FGGY: variants seen among roughly 807,000 people sequenced by gnomAD.
FGGY encodes FGGY carbohydrate kinase domain-containing protein.
Under a neutral mutation model 71.3 loss-of-function variants are expected in FGGY, and 72 were observed. That is an observed-to-expected ratio of 1.01 (90% CI 0.84 to 1.23). The LOEUF (loss-of-function observed/expected upper bound fraction) is 1.23. Among genes scored for constraint, FGGY ranks in the 50% most tolerant of loss-of-function variants. The pLI is 0.00. For synonymous variants in FGGY, 251 were observed against 250.3 expected (o/e 1.00, Z -0.02); for missense variants, 668 against 682.3 (o/e 0.98, Z 0.23).
intron 8 of FGGY, among the ~76,000 whole-genome samples, chr1:59,565,143 A>G (rs574270575): frequency 2.0e-5 from 3 of 152,208 alleles, no homozygotes; most frequent in South Asian, 2.1e-4. Flanking sequence ...TATTTATTAT[A>G]TGTTTATCAT....
At chr1:59,546,481 C>T (rs913630247) in intron 7 of FGGY, among the ~76,000 whole-genome samples, 3 of 151,048 alleles carry the variant, frequency 2.0e-5, no homozygotes, top group African/African-American at 7.3e-5. Flanking sequence ...TCTCTGTTGA[C>T]TTAAAGCATA....
intron 14 of FGGY, among the ~76,000 whole-genome samples, chr1:59,680,255 T>A (rs2097483005): frequency 1.3e-5 from 2 of 152,256 alleles, no homozygotes; most frequent in South Asian, 2.1e-4. Context: ...AGATTCTGAT[T>A]CCTAATTAAA....
chr1:59,416,626 T>C (rs981557195), intron 5 of FGGY, among the ~76,000 whole-genome samples: 1 of 152,228 alleles, frequency 6.6e-6, no homozygotes, highest in African/African-American at 2.4e-5. Context: ...TATCTTTAAT[T>C]CTTTGGACTT....
chr1:59,666,004 C>T (rs530797183), intron 12 of FGGY, among the ~76,000 whole-genome samples: 9 of 152,260 alleles, frequency 5.9e-5, no homozygotes, highest in African/African-American at 1.9e-4. Context: ...GGCTAAACTC[C>T]GATTCTTCTT....
chr1:59,728,316 C>T (rs987146393), intron 14 of FGGY, among the ~76,000 whole-genome samples: 4 of 152,002 alleles, frequency 2.6e-5, no homozygotes, highest in African/African-American at 7.2e-5. Flanking sequence ...TAAGGAAGTA[C>T]TTTCAATTCC....
rs951097982 is a variant in FGGY at position 59,653,066 on chromosome 1, T to G, written c.1222-7153T>G. Among the ~76,000 whole-genome samples the G allele has an allele frequency of 3.1e-4, 47 of 152,282 alleles. 1 individual carries two copies. The highest frequency in any genetic ancestry group is 8.4e-4 in the African/African-American group (35 of 41,544). ...GGGTGCCTCCCAGTTAGGCTGCTCGTGGGTCAGGGTTCAGCGACCCACTTG... is the reference window on the plus strand; with the variant it reads ...GGGTGCCTCCCAGTTAGGCTGCTCGGGGGTCAGGGTTCAGCGACCCACTTG... On this transcript the variant is annotated intron_variant, in intron 11 of 15. Coordinates refer to ENST00000303721, the MANE Select transcript of FGGY (RefSeq NM_018291.5).
At position 59,607,885 on chromosome 1, in the gene FGGY, G is replaced by T. The variant is rs201277851; in HGVS notation, c.986G>T (p.Gly329Val). Residue 329 changes from glycine to valine, a missense_variant, in exon 9 of 16, where the codon GGT (glycine) becomes GTT (valine). This residue lies in a region of FGGY where 661 missense variants were observed against 661.6 expected (regional missense o/e 1.00). Transcript: ENST00000303721. The stretch of plus-strand genomic sequence containing the variant: ...GTACCTGGGTTCTGGCTGAATGAAG[G>T]TGGTCAGAGCGTTACTGGAAAATTG... ...AMVPGFWLNEGGQSVTGKLID... is the reference protein window; with the variant it reads ...AMVPGFWLNEVGQSVTGKLID... 1.2e-6 allele frequency: 2 copies of T among 1,614,046 alleles called. No individual in the cohort carries two copies. The highest frequency in any genetic ancestry group is 4.5e-5 in the East Asian group (2 of 44,868).
At chr1:59,582,650 G>A (rs1196205226) in intron 8 of FGGY, among the ~76,000 whole-genome samples, 3 of 148,188 alleles carry the variant, frequency 2.0e-5, no homozygotes, top group Non-Finnish European at 4.4e-5. Flanking sequence ...GACTAGATTA[G>A]GTGGTGTATC....
chr1:59,753,063 T>C (rs1411845247), intron 14 of FGGY, among the ~76,000 whole-genome samples: 2 of 152,190 alleles, frequency 1.3e-5, no homozygotes, highest in Admixed American at 6.5e-5. Flanking sequence ...TTGTGCTGTC[T>C]AGACTCTCAA....
chr1:59,649,997 T>A (rs1158377430), intron 11 of FGGY, among the ~76,000 whole-genome samples: 1 of 148,364 alleles, frequency 6.7e-6, no homozygotes, highest in African/African-American at 2.6e-5. Flanking sequence ...TTTCTGCATC[T>A]GTTGAGATAA....
chr1:59,469,783 T>C (rs1037137608), intron 6 of FGGY, among the ~76,000 whole-genome samples: 1 of 152,156 alleles, frequency 6.6e-6, no homozygotes, highest in Non-Finnish European at 1.5e-5. Flanking sequence ...CAGTGTGTGT[T>C]ATCCCCCTCA....
chr1:59,524,830 C>A (rs946694644), intron 7 of FGGY, among the ~76,000 whole-genome samples: 4 of 152,220 alleles, frequency 2.6e-5, no homozygotes, highest in Non-Finnish European at 5.9e-5. Context: ...GTATCTCATT[C>A]TTCCAGGTTG....
chr1:59,511,938 C>T (rs1052887017), intron 6 of FGGY, among the ~76,000 whole-genome samples: 1 of 152,056 alleles, frequency 6.6e-6, no homozygotes, highest in Non-Finnish European at 1.5e-5. Flanking sequence ...GGTTTACGTG[C>T]GTTTAAGTAG....
At chr1:59,301,116 A>C (rs1381082878) in intron 1 of FGGY, among the ~76,000 whole-genome samples, 2 of 152,204 alleles carry the variant, frequency 1.3e-5, no homozygotes, top group East Asian at 3.8e-4. Flanking sequence ...ATATCTGTTC[A>C]TTTATTTAAG....
chr1:59,491,039 C>CTTTCCTTTCCTTTCCT, intron 6 of FGGY, among the ~76,000 whole-genome samples: 1 of 16,202 alleles, frequency 6.2e-5, no homozygotes, highest in Admixed American at 7.6e-4. Flanking sequence ...CTTTCCTTTC[C>CTTTCCTTTCCTTTCCT]TTCCTTCCTT....
chr1:59,664,125 A>G (rs2153966110), intron 12 of FGGY, among the ~76,000 whole-genome samples: 1 of 152,330 alleles, frequency 6.6e-6, no homozygotes, highest in Middle Eastern at 3.4e-3. Flanking sequence ...AGACCCTTAA[A>G]AGGTACTATT....
intron 8 of FGGY, among the ~76,000 whole-genome samples, chr1:59,593,725 G>T (rs1046646314): frequency 6.6e-6 from 1 of 152,058 alleles, no homozygotes; most frequent in African/African-American, 2.4e-5. Flanking sequence ...TGCCATTCTT[G>T]CATTAACTGT....
chr1:59,642,802 C>T (rs950023646), intron 11 of FGGY, among the ~76,000 whole-genome samples: 13 of 151,742 alleles, frequency 8.6e-5, no homozygotes, highest in African/African-American at 2.7e-4. Context: ...GAGGCCGAAG[C>T]GGATGGATCA....
intron 14 of FGGY, among the ~76,000 whole-genome samples, chr1:59,686,819 A>T (rs1222600076): frequency 6.6e-6 from 1 of 152,180 alleles, no homozygotes; most frequent in Non-Finnish European, 1.5e-5. Context: ...CTGCTTACTC[A>T]TTTGTATAAA....
Sources: allele counts gnomAD v4.1 joint callset (sites outside exome capture counted in the v4.1 genomes callset), GRCh38; gene constraint gnomAD v4.1.1; regional missense constraint gnomAD v4.1.1; transcripts MANE v1.5; gene names NCBI Gene and HGNC (gene_info 2026-07-23, HGNC 2026-07-21).